DGKB: variants seen among roughly 807,000 people sequenced by gnomAD.
DGKB encodes diacylglycerol kinase beta.
A neutral mutation model predicts 114.3 loss-of-function variants in DGKB; 67 were observed. The observed-to-expected ratio is 0.59, with a 90% CI of 0.48 to 0.72. The LOEUF is 0.72. Ranked by LOEUF, DGKB falls within the 30% of genes least tolerant of loss-of-function variation. The pLI is 0.00. For synonymous variants in DGKB, 398 were observed against 323.1 expected (o/e 1.23, Z -2.49); for missense variants, 907 against 975.2 (o/e 0.93, Z 0.93).
chr7:14,295,493 C>G (rs1428387065), intron 23 of DGKB, among the ~76,000 whole-genome samples: 2 of 151,908 alleles, frequency 1.3e-5, no homozygotes, highest in Admixed American at 6.6e-5. Context: ...ATTCAAAGTC[C>G]TTTGTACTTT....
intron 1 of DGKB, among the ~76,000 whole-genome samples, chr7:14,859,590 G>T (rs1308590248): frequency 1.3e-5 from 2 of 152,024 alleles, no homozygotes; most frequent in East Asian, 3.9e-4. Context: ...GAGAATGGGA[G>T]AAAATACACA....
chr7:14,764,846 T>C (rs1206220775), intron 2 of DGKB, among the ~76,000 whole-genome samples: 1 of 151,874 alleles, frequency 6.6e-6, no homozygotes, highest in Non-Finnish European at 1.5e-5. Flanking sequence ...CATTTTGGAA[T>C]CCAGCAGAGA....
intron 21 of DGKB, among the ~76,000 whole-genome samples, chr7:14,451,456 TTGATCTCCAGCTTAC>T (rs1563210382): frequency 6.6e-6 from 1 of 152,032 alleles, no homozygotes; most frequent in African/African-American, 2.4e-5. Context: ...TCAGCTCTCC[TTGATCTCCAGCTTAC>T]TGACTGTGGA....
chr7:14,814,548 A>G (rs1843851711), intron 2 of DGKB, among the ~76,000 whole-genome samples: 1 of 152,190 alleles, frequency 6.6e-6, no homozygotes, highest in South Asian at 2.1e-4. Context: ...AAAATGAGTA[A>G]TCTTCAAGAT....
chr7:14,349,206 A>G (rs1314111521), intron 21 of DGKB, among the ~76,000 whole-genome samples: 1 of 152,120 alleles, frequency 6.6e-6, no homozygotes, highest in African/African-American at 2.4e-5. Flanking sequence ...TAAATGAGGT[A>G]GAATCAATAG....
At chr7:14,232,988 T>C (rs1180705100) in intron 23 of DGKB, among the ~76,000 whole-genome samples, 1 of 152,098 alleles carries the variant, frequency 6.6e-6, no homozygotes, top group Admixed American at 6.6e-5. Flanking sequence ...AATCTGCTGG[T>C]CACTCTGAAA....
At chr7:14,387,721 G>A (rs1583574871) in intron 21 of DGKB, among the ~76,000 whole-genome samples, 1 of 152,022 alleles carries the variant, frequency 6.6e-6, no homozygotes, top group South Asian at 2.1e-4. Context: ...CTAGCCTCAT[G>A]TAAGTTTAGA....
At chr7:14,544,708 G>C (rs1794007665) in intron 20 of DGKB, among the ~76,000 whole-genome samples, 2 of 152,096 alleles carry the variant, frequency 1.3e-5, no homozygotes, top group South Asian at 4.1e-4. Flanking sequence ...AAAAACATTG[G>C]AGTCTGGATA....
intron 1 of DGKB, among the ~76,000 whole-genome samples, chr7:14,853,579 T>G (rs1487507865): frequency 1.3e-5 from 2 of 151,942 alleles, no homozygotes; most frequent in Admixed American, 6.6e-5. Flanking sequence ...TCTTTAAAAT[T>G]TATCAGGCCG....
chr7:14,502,381 G>A (rs551900791), intron 20 of DGKB, among the ~76,000 whole-genome samples: 2 of 151,870 alleles, frequency 1.3e-5, no homozygotes, highest in African/African-American at 4.8e-5. Flanking sequence ...TAATGCCCAT[G>A]AATCAAAGAA....
intron 18 of DGKB, among the ~76,000 whole-genome samples, chr7:14,581,814 C>T (rs140467616): frequency 1.3e-5 from 2 of 152,240 alleles, no homozygotes; most frequent in African/African-American, 4.8e-5. Flanking sequence ...GCTGTTTTTC[C>T]TCTAAAATCC....
At chr7:14,913,540 G>A (rs1784093845) in intron 1 of DGKB, among the ~76,000 whole-genome samples, 1 of 150,472 alleles carries the variant, frequency 6.6e-6, no homozygotes, top group Non-Finnish European at 1.5e-5. Flanking sequence ...CTGACATTAA[G>A]GACCTTTAAC....
intron 1 of DGKB, among the ~76,000 whole-genome samples, chr7:14,866,754 T>C (rs1030331860): frequency 1.3e-5 from 2 of 152,174 alleles, no homozygotes; most frequent in Non-Finnish European, 2.9e-5. Flanking sequence ...ACTAAGGCAC[T>C]TGATGATTGG....
intron 23 of DGKB, among the ~76,000 whole-genome samples, chr7:14,258,141 T>TCTAA (rs1383647416): frequency 3.9e-5 from 6 of 152,228 alleles, no homozygotes; most frequent in Admixed American, 1.3e-4. Flanking sequence ...AAAAATTTCT[T>TCTAA]CTAACTGTGA....
chr7:14,925,952 AAGAGT>A (rs1427966435), intron 1 of DGKB, among the ~76,000 whole-genome samples: 2 of 152,030 alleles, frequency 1.3e-5, no homozygotes, highest in Admixed American at 6.6e-5. Flanking sequence ...TGTGTTGAAT[AAGAGT>A]AGAGAGAACA....
At chr7:14,573,083 A>G (rs1210979356) in intron 20 of DGKB, among the ~76,000 whole-genome samples, 1 of 152,188 alleles carries the variant, frequency 6.6e-6, no homozygotes, top group Admixed American at 6.5e-5. Context: ...TAAAAAGTAC[A>G]CTTACAATGA....
chr7:14,350,367 C>A (rs962814742), intron 21 of DGKB, among the ~76,000 whole-genome samples: 1 of 151,906 alleles, frequency 6.6e-6, no homozygotes, highest in Non-Finnish European at 1.5e-5. Context: ...CTTTCATCGG[C>A]TTAGTAACAT....
Position 14,727,281 on chromosome 7 carries a change from A to G in DGKB, c.323-8596T>C, listed in dbSNP as rs369691503. On this transcript the variant is annotated intron_variant, in intron 5 of 25. Coordinates refer to ENST00000402815, the MANE Select transcript of DGKB (RefSeq NM_001350709.2). ...AAGAAAAAAGAAACCTGATTATTCA[A>G]GTCTAACATATTAAAAACCATTTAA... Among the ~76,000 whole-genome samples, 4 of 152,192 alleles carry G rather than the reference A, an allele frequency of 2.6e-5. No homozygotes were observed. In the East Asian group the frequency reaches 5.8e-4, roughly 22 times the overall value.
intron 1 of DGKB, among the ~76,000 whole-genome samples, chr7:14,913,229 C>G (rs1307443861): frequency 6.6e-6 from 1 of 151,684 alleles, no homozygotes; most frequent in South Asian, 2.1e-4. Context: ...CACAGTAAAC[C>G]CTTATTTCAC....
Sources: allele counts gnomAD v4.1 joint callset (sites outside exome capture counted in the v4.1 genomes callset), GRCh38; gene constraint gnomAD v4.1.1; transcripts MANE v1.5; gene names NCBI Gene and HGNC (gene_info 2026-07-23, HGNC 2026-07-21).